VBP1: variants seen among roughly 807,000 people sequenced by gnomAD.
The protein encoded by VBP1 is VHL binding protein 1.
A neutral mutation model predicts 15.5 loss-of-function variants in VBP1; 4 were observed. The observed-to-expected ratio is 0.26, with a 90% CI of 0.13 to 0.59. The LOEUF (loss-of-function observed/expected upper bound fraction) is 0.59. Among genes scored for constraint, VBP1 ranks in the 20% least tolerant of loss-of-function variants. The probability of loss-of-function intolerance (pLI) is 0.90; values close to 1 mark genes in which losing one functional copy is unlikely to be tolerated. For missense variants in VBP1, 108 were observed against 139.6 expected, an observed-to-expected ratio of 0.77 and a Z score of 1.14; for synonymous variants, 61 against 52.1, an observed-to-expected ratio of 1.17 and a Z score of -0.74.
At chrX:155,234,684 G>A (rs782125329) in intron 4 of VBP1, among the ~76,000 whole-genome samples, 4 of 110,645 alleles carry the variant, frequency 3.6e-5, no homozygotes, top group Middle Eastern at 4.6e-3. Context: ...CTAGTTCTTC[G>A]TGTAAATATT....
intron 1 of VBP1, among the ~76,000 whole-genome samples, chrX:155,201,118 A>G (rs1322025944): frequency 1.8e-5 from 2 of 111,200 alleles, no homozygotes; most frequent in Non-Finnish European, 3.8e-5. Context: ...GCAATAATCA[A>G]TAGCTTACCA....
At chrX:155,219,040 A>G (rs1424857309) in intron 1 of VBP1, among the ~76,000 whole-genome samples, 1 of 112,091 alleles carries the variant, frequency 8.9e-6, no homozygotes, top group African/African-American at 3.3e-5. Flanking sequence ...GAACTCAGCC[A>G]TTATCTCTCA....
chrX:155,216,506 TGGC>T lies in VBP1; in HGVS notation c.25_27del (p.Gly9del). 2.6e-6 allele frequency: 3 copies of T among 1,170,526 alleles called. No individual in the cohort carries two copies. The highest frequency in any genetic ancestry group is 3.4e-6 in the Non-Finnish European group (3 of 874,154). On this transcript the variant is annotated inframe_deletion, in exon 1 of 6. Coordinates refer to ENST00000286428, the MANE Select transcript of VBP1 (RefSeq NM_003372.7). ...AGATGGCGGCCGTTAAGGACAGTTG[TGGC>T]AAAGGAGAAATGGCCACAGGGAATG...
chrX:155,223,110 C>CTTTTTTTT (rs202157365), intron 2 of VBP1, among the ~76,000 whole-genome samples: 1 of 70,827 alleles, frequency 1.4e-5, no homozygotes, highest in African/African-American at 6.2e-5. Flanking sequence ...ACATGCTAGC[C>CTTTTTTTT]TTTTTGTTTT....
chrX:155,226,012 T>G (rs1557310223), intron 2 of VBP1, among the ~76,000 whole-genome samples: 1 of 112,311 alleles, frequency 8.9e-6, no homozygotes. Context: ...ACTTCTTTTA[T>G]GTGACGCAAT....
At chrX:155,206,192 T>C (rs1245932920) in intron 1 of VBP1, among the ~76,000 whole-genome samples, 9 of 110,529 alleles carry the variant, frequency 8.1e-5, no homozygotes, top group African/African-American at 2.6e-4. Flanking sequence ...TTAAATAGGC[T>C]GGTCAGTGGG....
intron 1 of VBP1, among the ~76,000 whole-genome samples, chrX:155,202,603 T>C (rs1167311575): frequency 2.8e-5 from 3 of 106,778 alleles, no homozygotes; most frequent in Non-Finnish European, 5.8e-5. Context: ...ATACAAAAAT[T>C]AATTCAAGAT....
chrX:155,228,580 A>G (rs1251367513), intron 4 of VBP1, 98 bp downstream of exon 4: 14 of 679,933 alleles, frequency 2.1e-5, no homozygotes, highest in African/African-American at 6.6e-5. Context: ...GTATTTTAGT[A>G]GTATTGCTCG....
chrX:155,224,159 G>A (rs1362558127), intron 2 of VBP1, among the ~76,000 whole-genome samples: 1 of 111,925 alleles, frequency 8.9e-6, no homozygotes, highest in East Asian at 2.8e-4. Flanking sequence ...CCCAGACGAT[G>A]GGCGGCCAGG....
At chrX:155,229,584 A>G (rs1221363206) in intron 4 of VBP1, among the ~76,000 whole-genome samples, 1 of 111,803 alleles carries the variant, frequency 8.9e-6, no homozygotes, top group Non-Finnish European at 1.9e-5. Context: ...CTGCTTCCCC[A>G]TGACTTTGTG....
chrX:155,204,437 G>A (rs1264865452), intron 1 of VBP1, among the ~76,000 whole-genome samples: 1 of 111,958 alleles, frequency 8.9e-6, no homozygotes, highest in Non-Finnish European at 1.9e-5. Context: ...ACAGGTGTGA[G>A]GCACCACACC....
chrX:155,231,894 T>C (rs1208774350), intron 4 of VBP1, among the ~76,000 whole-genome samples: 2 of 111,288 alleles, frequency 1.8e-5, no homozygotes, highest in Non-Finnish European at 3.8e-5. Context: ...CTGTAGTAAA[T>C]ATTTTTGCAC....
chrX:155,201,234 G>T (rs2074602139), intron 1 of VBP1, among the ~76,000 whole-genome samples: 1 of 110,396 alleles, frequency 9.1e-6, no homozygotes, highest in African/African-American at 3.3e-5. Flanking sequence ...AATAGAAAAA[G>T]AAGGAATCCT....
intron 4 of VBP1, among the ~76,000 whole-genome samples, chrX:155,228,705 A>G (rs1456085770): frequency 8.9e-6 from 1 of 111,980 alleles, no homozygotes; most frequent in Admixed American, 9.5e-5. Flanking sequence ...TCGCAGTAAA[A>G]ACATACTGAA....
chrX:155,213,882 C>T (rs1469176369), upstream of VBP1, among the ~76,000 whole-genome samples: 1 of 112,261 alleles, frequency 8.9e-6, no homozygotes, highest in South Asian at 3.7e-4. Flanking sequence ...TTATTTACAT[C>T]GATTGTATCT....
chrX:155,235,779 G>A (rs1412454962), intron 4 of VBP1, among the ~76,000 whole-genome samples: 2 of 111,989 alleles, frequency 1.8e-5, no homozygotes, highest in Non-Finnish European at 3.8e-5. Context: ...CACGATGGAG[G>A]TAGTAGAAAG....
At chrX:155,228,977 C>T (rs142577405) in intron 4 of VBP1, among the ~76,000 whole-genome samples, 393 of 112,264 alleles carry the variant, frequency 3.5e-3, no homozygotes, top group African/African-American at 0.012. Context: ...TAGATGATTT[C>T]ATTGAGCTTA....
chrX:155,219,285 TAA>T (rs2074678444), intron 1 of VBP1, among the ~76,000 whole-genome samples: 1 of 112,607 alleles, frequency 8.9e-6, no homozygotes, highest in Non-Finnish European at 1.9e-5. Flanking sequence ...GCATCTCTTT[TAA>T]GTTTCATATA....
intron 2 of VBP1, among the ~76,000 whole-genome samples, chrX:155,221,635 C>T: frequency 8.9e-6 from 1 of 112,032 alleles, no homozygotes; most frequent in Non-Finnish European, 1.9e-5. Context: ...ACCAAAGCAC[C>T]TCATTAACCT....
Sources: gnomAD v4.1 joint callset for allele counts (sites outside exome capture counted in the v4.1 genomes callset) on GRCh38, gnomAD v4.1.1 for gene constraint, MANE v1.5 for transcripts, NCBI Gene and HGNC (gene_info 2026-07-23, HGNC 2026-07-21) for gene names.